The following DRC8 variants were observed in gnomAD, a reference collection of about 807,000 sequenced individuals.
DRC8 encodes dynein regulatory complex subunit 8, also known as dynein regulatory complex protein 8.
At chr1:244,976,227 G>A in the DRC8 span, among the ~76,000 whole-genome samples, 1 of 151,942 alleles carries the variant, frequency 6.6e-6, no homozygotes, top group African/African-American at 2.4e-5. Context: ...CTAGATCGCA[G>A]CATTGCACTC....
At chr1:245,048,449 A>C in the DRC8 span, among the ~76,000 whole-genome samples, 1 of 152,286 alleles carries the variant, frequency 6.6e-6, no homozygotes, top group East Asian at 1.9e-4. Context: ...TATATGAGGC[A>C]GGGTTTCTGT....
chr1:245,074,470 G>A, the DRC8 span, among the ~76,000 whole-genome samples: 1 of 152,154 alleles, frequency 6.6e-6, no homozygotes. Flanking sequence ...ACCCTCAGAG[G>A]ATTAAAACAG....
At chr1:244,969,685 C>T in the DRC8 span, 31 of 167,418 alleles carry the variant, frequency 1.9e-4, no homozygotes, top group Non-Finnish European at 1.3e-5. Context: ...TGCAGCTATT[C>T]CTCTCCTCTA....
the DRC8 span, among the ~76,000 whole-genome samples, chr1:245,048,610 C>T: frequency 1.3e-5 from 2 of 151,976 alleles, no homozygotes; most frequent in African/African-American, 2.4e-5. Context: ...TACTTAGATT[C>T]GCCAATCCCT....
At chr1:245,012,204 AAAAT>A in the DRC8 span, among the ~76,000 whole-genome samples, 2 of 152,202 alleles carry the variant, frequency 1.3e-5, no homozygotes, top group Admixed American at 6.5e-5. Context: ...TGGAAACTAA[AAAAT>A]AAAGTTAGTG....
chr1:245,108,896 A>G, the DRC8 span, among the ~76,000 whole-genome samples: 1 of 151,980 alleles, frequency 6.6e-6, no homozygotes, highest in Admixed American at 6.6e-5. Context: ...TTTTAGAAGT[A>G]TTTTTCTAAA....
At chr1:245,079,475 A>G in the DRC8 span, among the ~76,000 whole-genome samples, 1 of 152,210 alleles carries the variant, frequency 6.6e-6, no homozygotes, top group Non-Finnish European at 1.5e-5. Context: ...AGTTGGCACC[A>G]TAATGTTCAC....
the DRC8 span, among the ~76,000 whole-genome samples, chr1:245,104,608 C>T: frequency 0.17 from 26,577 of 152,090 alleles, 2,418 homozygotes; most frequent in Middle Eastern, 0.28. Context: ...ACCTATTCTC[C>T]CTCAACAGTT....
At chr1:245,051,560 C>G in the DRC8 span, among the ~76,000 whole-genome samples, 4 of 151,946 alleles carry the variant, frequency 2.6e-5, no homozygotes, top group African/African-American at 9.7e-5. Context: ...TGGAGAGCTA[C>G]CGATGGCAGG....
the DRC8 span, chr1:244,970,701 C>T: frequency 1.0e-5 from 5 of 480,150 alleles, no homozygotes; most frequent in Non-Finnish European, 1.4e-5. Context: ...TCTTCCCTCC[C>T]TCTTCTCTCT....
chr1:245,098,581 C>T, the DRC8 span, among the ~76,000 whole-genome samples: 24 of 152,156 alleles, frequency 1.6e-4, no homozygotes, highest in African/African-American at 5.1e-4. Flanking sequence ...CTTCGGAGTC[C>T]CTGAGGCAAG....
At chr1:245,042,748 T>A in the DRC8 span, among the ~76,000 whole-genome samples, 3 of 152,234 alleles carry the variant, frequency 2.0e-5, no homozygotes, top group Non-Finnish European at 4.4e-5. Flanking sequence ...TTGTCTCTTA[T>A]AATTGTGTGA....
chr1:245,030,336 T>C, the DRC8 span, among the ~76,000 whole-genome samples: 404 of 152,328 alleles, frequency 2.7e-3, 2 homozygotes, highest in African/African-American at 9.2e-3. Context: ...GCAAGTTTCT[T>C]GTAAGGACGT....
At chr1:244,997,491 G>T in the DRC8 span, among the ~76,000 whole-genome samples, 1 of 150,342 alleles carries the variant, frequency 6.7e-6, no homozygotes, top group South Asian at 2.1e-4. Flanking sequence ...TCACCCTCAT[G>T]TAAAAATTCT....
At chr1:245,039,497 T>C in the DRC8 span, among the ~76,000 whole-genome samples, 1 of 149,738 alleles carries the variant, frequency 6.7e-6, no homozygotes, top group African/African-American at 2.4e-5. Context: ...AAAGAGTTTG[T>C]GTATCCTTCA....
At chr1:245,087,494 T>A in the DRC8 span, 4 of 1,387,488 alleles carry the variant, frequency 2.9e-6, no homozygotes, top group East Asian at 1.1e-4. Flanking sequence ...AGACACTTTG[T>A]TTTTAAAGAT....
the DRC8 span, among the ~76,000 whole-genome samples, chr1:245,037,424 A>G: frequency 2.1e-4 from 32 of 152,380 alleles, no homozygotes; most frequent in Admixed American, 7.8e-4. Flanking sequence ...CAGAATTCAC[A>G]CATTCATAAT....
the DRC8 span, chr1:245,121,858 C>CT: frequency 2.4e-6 from 1 of 421,712 alleles, no homozygotes; most frequent in Admixed American, 2.8e-5. Flanking sequence ...TCTTCATCTA[C>CT]TTTTTTGCTT....
At chr1:245,111,788 C>T in the DRC8 span, among the ~76,000 whole-genome samples, 1 of 152,132 alleles carries the variant, frequency 6.6e-6, no homozygotes, top group Admixed American at 6.5e-5. Context: ...GTAATCCCAG[C>T]ATTTTGGGAG....
Sources: allele counts gnomAD v4.1 joint callset (sites outside exome capture counted in the v4.1 genomes callset), GRCh38; gene constraint gnomAD v4.1.1; transcripts MANE v1.5; gene names NCBI Gene and HGNC (gene_info 2026-07-23, HGNC 2026-07-21).